Variants in PDZRN3 observed in about 807,000 individuals in gnomAD.
The protein encoded by PDZRN3 is E3 ubiquitin-protein ligase PDZRN3.
A neutral mutation model predicts 85.7 loss-of-function variants in PDZRN3; 38 were observed. The ratio of observed to expected loss-of-function variants is 0.44; its 90% confidence interval spans 0.34 to 0.58. PDZRN3 has a LOEUF of 0.58. Ranked by LOEUF, PDZRN3 falls within the 20% of genes least tolerant of loss-of-function variation. The pLI is 0.01. For synonymous variants in PDZRN3, 759 were observed against 638.0 expected, an observed-to-expected ratio of 1.19 and a Z score of -2.86; for missense variants, 1,629 against 1,506.4, an observed-to-expected ratio of 1.08 and a Z score of -1.35.
At chr3:73,485,267 T>G (rs1462492351) in intron 3 of PDZRN3, among the ~76,000 whole-genome samples, 5 of 151,000 alleles carry the variant, frequency 3.3e-5, no homozygotes, top group Admixed American at 2.6e-4. Flanking sequence ...CTCAGGAAAA[T>G]TACCAATTAA....
intron 3 of PDZRN3, among the ~76,000 whole-genome samples, chr3:73,515,685 T>C (rs1004894171): frequency 3.9e-5 from 6 of 152,204 alleles, no homozygotes; most frequent in African/African-American, 1.2e-4. Context: ...CAGCTCCATT[T>C]TTTCCTTTCC....
intron 3 of PDZRN3, among the ~76,000 whole-genome samples, chr3:73,517,372 T>G (rs116360782): frequency 0.011 from 1,602 of 152,340 alleles, 26 homozygotes; most frequent in African/African-American, 0.036. Flanking sequence ...AAAAAAGCTA[T>G]GCTGGTCATG....
In PDZRN3 at chr3:73,484,648, A is replaced by G. The variant is rs537213145; in HGVS notation, c.919-80253T>C. Among the ~76,000 whole-genome samples the G allele has an allele frequency of 1.3e-4, 20 of 152,328 alleles. No homozygotes were observed. In the East Asian group the frequency reaches 2.5e-3, roughly 19 times the overall value. ...AAGGATAAGAGAGAAATGTAGCAGT[A>G]CCTTGAAGAGGACTAGGTATGGCTT... On this transcript the variant is annotated intron_variant, in intron 3 of 9. Coordinates refer to ENST00000263666, the MANE Select transcript of PDZRN3 (RefSeq NM_015009.3).
rs1702927143 is a variant in PDZRN3 at position 73,624,313 on chromosome 3, GCC to G, written c.511_512del (p.Gly171ArgfsTer37). On this transcript the variant is annotated frameshift_variant, in exon 1 of 10. Coordinates refer to ENST00000263666, the MANE Select transcript of PDZRN3 (RefSeq NM_015009.3). LOFTEE classifies it high-confidence loss of function. ...GCGCGCCCAGGCGGGCCTGGAGCGC[GCC>G]GTTGTGCGCCCGCAGCGCTCGCGCG... ...CCARALRAHN[G>X]ALQARLGALH... is the part of the protein sequence containing the mutation. 1 of 1,316,558 alleles carries G rather than the reference GCC, an allele frequency of 7.6e-7. No homozygotes were observed. 81.6% of individuals were successfully genotyped at this position (1,316,558 alleles called of 1,614,324 possible). A position where few individuals can be genotyped will look rare whatever the true frequency, so the allele number is the denominator to read the frequency against.
At chr3:73,436,471 G>C (rs1037635109) in intron 3 of PDZRN3, among the ~76,000 whole-genome samples, 6 of 152,184 alleles carry the variant, frequency 3.9e-5, no homozygotes, top group African/African-American at 1.4e-4. Flanking sequence ...TGCAATCACG[G>C]TTGGCTCTCC....
chr3:73,497,364 C>A (rs776747116), intron 3 of PDZRN3, among the ~76,000 whole-genome samples: 2 of 152,160 alleles, frequency 1.3e-5, no homozygotes, highest in Non-Finnish European at 2.9e-5. Context: ...GAAAACTCAT[C>A]TTTAAGCCAA....
intron 3 of PDZRN3, among the ~76,000 whole-genome samples, chr3:73,416,385 T>C (rs915307641): frequency 6.6e-6 from 1 of 151,960 alleles, no homozygotes; most frequent in African/African-American, 2.4e-5. Flanking sequence ...AGGACTTAGA[T>C]AGATCCTGGG....
intron 3 of PDZRN3, among the ~76,000 whole-genome samples, chr3:73,420,353 A>G (rs1369984919): frequency 1.3e-5 from 2 of 152,188 alleles, no homozygotes; most frequent in African/African-American, 4.8e-5. Flanking sequence ...GTTTTCCTCC[A>G]TCTAAGACCA....
At position 73,384,101 on chromosome 3, in the gene PDZRN3, T is replaced by C; in HGVS notation, c.2465A>G (p.Tyr822Cys). The change falls in exon 10 of 10, where the codon TAT becomes TGT. Residue 822 changes from tyrosine to cysteine, a missense_variant. Transcript: ENST00000263666. The part of the protein sequence containing the change: ...TEDPEVGTPT[Y>C]SPSLKELDPN... ...GTCCAGCTCCTTCAGGGACGGGCTATAGGTAGGGGTGCCCACTTCGGGATC... is the reference window on the plus strand; with the variant it reads ...GTCCAGCTCCTTCAGGGACGGGCTACAGGTAGGGGTGCCCACTTCGGGATC... 1 of 1,613,930 alleles carries C rather than the reference T, an allele frequency of 6.2e-7. No homozygotes were observed. Among genetic ancestry groups the C allele is most frequent in the South Asian group, 1.1e-5 (1 of 91,064 alleles).
intron 3 of PDZRN3, chr3:73,434,082 A>AGCTTCTGTAT: frequency 2.4e-6 from 1 of 409,970 alleles, no homozygotes; most frequent in Non-Finnish European, 3.3e-6. Context: ...AGACAATGAT[A>AGCTTCTGTAT]CAGAAGCTAT....
chr3:73,534,797 A>G (rs1411593601), intron 3 of PDZRN3, among the ~76,000 whole-genome samples: 1 of 152,224 alleles, frequency 6.6e-6, no homozygotes, highest in Non-Finnish European at 1.5e-5. Flanking sequence ...AGGCTCAGAA[A>G]AGAGGGTAGA....
intron 5 of PDZRN3, among the ~76,000 whole-genome samples, chr3:73,395,688 T>C (rs565748663): frequency 3.3e-5 from 5 of 152,332 alleles, no homozygotes; most frequent in African/African-American, 1.2e-4. Context: ...ATCTCAACAG[T>C]TTCTGTATCT....
At position 73,624,302 on chromosome 3, in the gene PDZRN3, G is replaced by A. The variant is rs769194436; in HGVS notation, c.524C>T (p.Ala175Val). The A allele has an allele frequency of 7.5e-6, 10 of 1,334,180 alleles. No individual in the cohort carries two copies. In the South Asian group the frequency reaches 8.0e-5, roughly 11 times the overall value. 82.6% of individuals were successfully genotyped at this position (1,334,180 alleles called of 1,614,324 possible). Residue 175 changes from alanine to valine, a missense_variant, in exon 1 of 10, where the codon GCC becomes GTC. By Grantham distance (64) the Ala-to-Val change is moderately conservative (BLOSUM62 0). Transcript: ENST00000263666. ...CGCCTTGTGCAGCGCGCCCAGGCGG[G>A]CCTGGAGCGCGCCGTTGTGCGCCCG... ...ALRAHNGALQARLGALHKALK... is the reference protein window; with the variant it reads ...ALRAHNGALQVRLGALHKALK...
chr3:73,609,387 C>T (rs995069055), intron 1 of PDZRN3, among the ~76,000 whole-genome samples: 1 of 152,066 alleles, frequency 6.6e-6, no homozygotes, highest in Admixed American at 6.5e-5. Context: ...GCATAGTGTT[C>T]GACAGTCAAA....
chr3:73,421,187 T>G (rs1057416556), intron 3 of PDZRN3, among the ~76,000 whole-genome samples: 1 of 152,208 alleles, frequency 6.6e-6, no homozygotes, highest in African/African-American at 2.4e-5. Context: ...GCCTACACTG[T>G]GCCATACGGG....
chr3:73,427,616 A>G (rs1036027544), intron 3 of PDZRN3, among the ~76,000 whole-genome samples: 1 of 152,228 alleles, frequency 6.6e-6, no homozygotes, highest in Non-Finnish European at 1.5e-5. Context: ...ACCCCGTACC[A>G]TCTGCCTCAT....
chr3:73,394,182 A>G (rs1419369205), intron 5 of PDZRN3, among the ~76,000 whole-genome samples: 1 of 152,104 alleles, frequency 6.6e-6, no homozygotes, highest in East Asian at 1.9e-4. Flanking sequence ...TTCCTTACAC[A>G]CTTTTTATAC....
chr3:73,489,032 T>C (rs919709457), intron 3 of PDZRN3, among the ~76,000 whole-genome samples: 1 of 152,196 alleles, frequency 6.6e-6, no homozygotes, highest in African/African-American at 2.4e-5. Flanking sequence ...TTGGGCATCA[T>C]GCATTGGGTG....
chr3:73,551,306 A>C (rs781467247), intron 3 of PDZRN3, among the ~76,000 whole-genome samples: 19 of 152,250 alleles, frequency 1.2e-4, no homozygotes, highest in Non-Finnish European at 2.5e-4. Flanking sequence ...GGGAACCAAG[A>C]AAAGTCAATG....
Sources: gnomAD v4.1 joint callset for allele counts (sites outside exome capture counted in the v4.1 genomes callset) on GRCh38, gnomAD v4.1.1 for gene constraint, MANE v1.5 for transcripts, NCBI Gene and HGNC (gene_info 2026-07-23, HGNC 2026-07-21) for gene names.